The following SUGCT variants were observed in gnomAD, a reference collection of about 807,000 sequenced individuals.
The protein encoded by SUGCT is succinyl-CoA:glutarate-CoA transferase.
SUGCT carries 41 observed loss-of-function variants against 55.0 expected under a neutral mutation model. The ratio of observed to expected loss-of-function variants is 0.74; its 90% CI spans 0.58 to 0.97. SUGCT has a LOEUF of 0.97. Ranked by LOEUF, SUGCT falls within the 50% of genes least tolerant of loss-of-function variation. SUGCT has a pLI of 0.00. For synonymous variants in SUGCT, 187 were observed against 200.4 expected (o/e 0.93, Z 0.56); for missense variants, 568 against 547.8 (o/e 1.04, Z -0.37).
In SUGCT at chr7:40,161,582, C is replaced by T. The variant is rs956268757; in HGVS notation, c.101-19365C>T. On this transcript the variant is annotated intron_variant, in intron 1 of 13. Transcript: ENST00000335693. ...GCATTTTTCTTGTTTGCACTAAAGT[C>T]TTCCTTTTGGTCAGTCTTCTCCGTA... is the stretch of plus-strand genomic sequence containing the variant. Among the ~76,000 whole-genome samples, 3 of 152,338 alleles carry T rather than the reference C, an allele frequency of 2.0e-5. 1 individual carries two copies. The highest frequency in any genetic ancestry group is 1.3e-4 in the Admixed American group (2 of 15,298).
the SUGCT span, among the ~76,000 whole-genome samples, chr7:40,874,808 A>T: frequency 6.6e-6 from 1 of 152,190 alleles, no homozygotes; most frequent in Non-Finnish European, 1.5e-5. Flanking sequence ...AGGCTTCAAG[A>T]TCTATCCTTT....
chr7:40,615,580 A>T (rs559493484), intron 12 of SUGCT, among the ~76,000 whole-genome samples: 1 of 152,350 alleles, frequency 6.6e-6, no homozygotes, highest in Non-Finnish European at 1.5e-5. Context: ...ACATCGCTGT[A>T]GAATGGACTT....
intron 12 of SUGCT, among the ~76,000 whole-genome samples, chr7:40,666,345 C>G (rs1801627269): frequency 3.1e-5 from 3 of 95,662 alleles, no homozygotes; most frequent in African/African-American, 1.9e-4. Context: ...AAGACTCTGT[C>G]TCAAGAAAGA....
intron 9 of SUGCT, among the ~76,000 whole-genome samples, chr7:40,389,469 A>ACAAACAAACAAACAAACAAG (rs10660450): frequency 0.034 from 5,071 of 148,478 alleles, 107 homozygotes; most frequent in Admixed American, 0.072. Context: ...AAACAAACAA[A>ACAAACAAACAAACAAACAAG]CAAGCAAAAA....
At chr7:40,348,256 T>A (rs1394335872) in intron 9 of SUGCT, among the ~76,000 whole-genome samples, 1 of 152,218 alleles carries the variant, frequency 6.6e-6, no homozygotes, top group Non-Finnish European at 1.5e-5. Flanking sequence ...AGGAGGAATT[T>A]CTTGCAGTCA....
chr7:40,949,842 GT>G, the SUGCT span, among the ~76,000 whole-genome samples: 1 of 152,176 alleles, frequency 6.6e-6, no homozygotes, highest in African/African-American at 2.4e-5. Context: ...GTACCATGCT[GT>G]TTTGGTTACT....
At chr7:40,878,284 GT>G in the SUGCT span, among the ~76,000 whole-genome samples, 1 of 152,050 alleles carries the variant, frequency 6.6e-6, no homozygotes, top group Non-Finnish European at 1.5e-5. Flanking sequence ...CTGTTTCCTA[GT>G]TATTTCTGTT....
intron 12 of SUGCT, among the ~76,000 whole-genome samples, chr7:40,625,835 G>A (rs1290086090): frequency 6.6e-6 from 1 of 152,160 alleles, no homozygotes; most frequent in African/African-American, 2.4e-5. Flanking sequence ...GGGTCCATGT[G>A]CAGGACAGGT....
At chr7:40,552,540 G>C (rs971032708) in intron 12 of SUGCT, among the ~76,000 whole-genome samples, 3 of 152,116 alleles carry the variant, frequency 2.0e-5, no homozygotes, top group Admixed American at 1.3e-4. Context: ...TGATTACCAT[G>C]CGTTGGGGGT....
At chr7:40,857,567 A>G (rs1251906416) in intron 13 of SUGCT, among the ~76,000 whole-genome samples, 1 of 72,634 alleles carries the variant, frequency 1.4e-5, no homozygotes, top group East Asian at 3.7e-4. Flanking sequence ...CCAGAAAAGT[A>G]TGGCATACAG....
the SUGCT span, among the ~76,000 whole-genome samples, chr7:40,936,229 TTTA>T: frequency 4.4e-4 from 66 of 149,326 alleles, no homozygotes; most frequent in African/African-American, 1.5e-3. Context: ...TTGTGGGATG[TTTA>T]TTATTATTAT....
intron 13 of SUGCT, among the ~76,000 whole-genome samples, chr7:40,840,958 A>G (rs1793249225): frequency 8.4e-6 from 1 of 118,608 alleles, no homozygotes; most frequent in Non-Finnish European, 1.8e-5. Context: ...ATCCTTTTAT[A>G]GTATATGAAA....
intron 12 of SUGCT, among the ~76,000 whole-genome samples, chr7:40,506,729 T>C (rs1270011123): frequency 6.6e-6 from 1 of 152,170 alleles, no homozygotes; most frequent in Non-Finnish European, 1.5e-5. Context: ...CAATCTTTTT[T>C]GTCTGTGTTC....
At chr7:40,476,183 GTGTCTA>G (rs1405909654) in intron 11 of SUGCT, among the ~76,000 whole-genome samples, 2 of 152,122 alleles carry the variant, frequency 1.3e-5, no homozygotes, top group Non-Finnish European at 2.9e-5. Flanking sequence ...GTATATGTCT[GTGTCTA>G]TGTCTATGTA....
chr7:40,591,909 C>G (rs1373780631), intron 12 of SUGCT, among the ~76,000 whole-genome samples: 3 of 152,178 alleles, frequency 2.0e-5, no homozygotes, highest in Non-Finnish European at 2.9e-5. Context: ...CTGGAAACCA[C>G]AAAATTCATG....
At chr7:40,337,526 C>CT (rs1237496331) in intron 9 of SUGCT, among the ~76,000 whole-genome samples, 3 of 152,070 alleles carry the variant, frequency 2.0e-5, no homozygotes, top group African/African-American at 7.2e-5. Flanking sequence ...CTCTTTTGAT[C>CT]TTTGTTGGTT....
chr7:40,976,396 T>A, the SUGCT span, among the ~76,000 whole-genome samples: 1,290 of 152,318 alleles, frequency 8.5e-3, 13 homozygotes, highest in African/African-American at 0.028. Context: ...AATAAAAATA[T>A]CCATGGATTA....
At chr7:40,319,225 A>G (rs1795598912) in intron 9 of SUGCT, among the ~76,000 whole-genome samples, 1 of 152,196 alleles carries the variant, frequency 6.6e-6, no homozygotes, top group South Asian at 2.1e-4. Flanking sequence ...TTATTTCCTC[A>G]AGAGCCCAGA....
the SUGCT span, among the ~76,000 whole-genome samples, chr7:40,896,902 G>A: frequency 5.9e-5 from 9 of 152,070 alleles, no homozygotes; most frequent in Non-Finnish European, 8.8e-5. Flanking sequence ...AATAGTCAAA[G>A]CAATCTCGAA....
Sources: allele counts gnomAD v4.1 joint callset (sites outside exome capture counted in the v4.1 genomes callset), GRCh38; gene constraint gnomAD v4.1.1; transcripts MANE v1.5; gene names NCBI Gene and HGNC (gene_info 2026-07-23, HGNC 2026-07-21).